Variants in GPR31 observed in about 807,000 individuals in gnomAD.
GPR31 encodes 12-(S)-hydroxy-5,8,10,14-eicosatetraenoic acid receptor.
For synonymous variants in GPR31, 209 were observed against 183.8 expected (o/e 1.14, Z -1.11); for missense variants, 394 against 400.5 (o/e 0.98, Z 0.14).
chr6:167,156,861 G>C lies in GPR31; in HGVS notation c.*11C>G, dbSNP rs771593892. The stretch of plus-strand genomic sequence containing the variant: ...TTCCATAAACACGGGCGTTGAGGAC[G>C]CTGGCTGTTGTCAGGAATAGGAGTC... On this transcript the variant is annotated 3_prime_UTR_variant, in exon 1 of 1. Coordinates refer to ENST00000366834, the MANE Select transcript of GPR31 (RefSeq NM_005299.3). This position sits in a 1 kb window ranked among gnomAD's most constrained non-coding sequence, Gnocchi z 4.5. The C allele has an allele frequency of 7.7e-6, 12 of 1,561,800 alleles. No individual in the cohort carries two copies. The highest frequency in any genetic ancestry group is 1.0e-5 in the Non-Finnish European group (12 of 1,156,034).
rs1370510374 is a variant in GPR31 at position 167,157,916 on chromosome 6, C to A, written c.-85G>T. On this transcript the variant is annotated 5_prime_UTR_variant, in exon 1 of 1. Coordinates refer to ENST00000366834, the MANE Select transcript of GPR31 (RefSeq NM_005299.3). Reference sequence around the variant, plus strand: ...CTTTCTTACAAAATGAAAGAAAAGGCCTTTTCCTGCCACAGAGTAGACAAG... The same window carrying A: ...CTTTCTTACAAAATGAAAGAAAAGGACTTTTCCTGCCACAGAGTAGACAAG... The A allele has an allele frequency of 9.2e-6, 13 of 1,409,566 alleles. No homozygotes were observed. The highest frequency in any genetic ancestry group is 8.7e-5 in the African/African-American group (6 of 69,230). The allele number at this position is 1,409,566 out of a possible 1,614,324, so 87.3% of individuals were successfully genotyped here.
rs754670201 is a variant in GPR31, at chr6:167,157,648, G to A, written c.184C>T (p.Leu62=). 1.1e-5 allele frequency: 17 copies of A among 1,613,796 alleles called. No individual in the cohort carries two copies. The Admixed American group carries it at 2.7e-4, about 25-fold the overall frequency. The change falls in exon 1 of 1, where the codon CTG becomes TTG. Residue 62 remains leucine, a synonymous_variant. Transcript: ENST00000366834. The part of the protein sequence containing the change: ...YLLNLALADL[L]LAACLPFLAA... The stretch of plus-strand genomic sequence containing the variant: ...AGGAAAGGCAGGCACGCAGCCAACA[G>A]CAGGTCAGCCAGGGCCAGGTTGAGC...
At position 167,157,975 on chromosome 6, in the gene GPR31, C is replaced by A; in HGVS notation, c.-144G>T. Reference sequence around the variant, plus strand: ...TTGCCCAACAAGAACAGTTCCTCAGCAGAATAGAGTCCACAGCAAACCAAA... The same window carrying A: ...TTGCCCAACAAGAACAGTTCCTCAGAAGAATAGAGTCCACAGCAAACCAAA... On this transcript the variant is annotated 5_prime_UTR_variant, in exon 1 of 1. Transcript: ENST00000366834. 1 of 1,033,438 alleles carries A rather than the reference C, an allele frequency of 9.7e-7. No homozygotes were observed. Among genetic ancestry groups the A allele is most frequent in the Non-Finnish European group, 1.4e-6 (1 of 719,974 alleles). The allele number at this position is 1,033,438 out of a possible 1,614,324, so 64.0% of individuals were successfully genotyped here.
In GPR31 at chr6:167,157,536, C is replaced by A; in HGVS notation, c.296G>T (p.Ser99Ile). ...GGCGGCCAGGAAGGCCATCCCCACG[C>A]TGCGGCTGAGGTCCAGCAGGAAGTG... is the stretch of plus-strand genomic sequence containing the variant. ...ALHFLLDLSR[S>I]VGMAFLAAVA... is the part of the protein sequence containing the mutation. Residue 99 changes from serine (S) to isoleucine (I), a missense_variant, in exon 1 of 1, where the codon AGC (serine) becomes ATC (isoleucine). Coordinates refer to ENST00000366834, the MANE Select transcript of GPR31 (RefSeq NM_005299.3). 6.2e-7 allele frequency: 1 copy of A among 1,610,472 alleles called. No homozygotes were observed. The highest frequency in any genetic ancestry group is 8.5e-7 in the Non-Finnish European group (1 of 1,177,544).
At position 167,156,702 on chromosome 6, in the gene GPR31, G is replaced by T; in HGVS notation, c.*170C>A. ...GGTAAAATCACAGAGGACCACCCTG[G>T]TCAACAAAGTATAAGACCACACCTG... On this transcript the variant is annotated 3_prime_UTR_variant, in exon 1 of 1. Transcript: ENST00000366834. The surrounding 1 kb of genome is among the most constrained non-coding windows in gnomAD (Gnocchi z 4.5). 1 of 712,688 alleles carries T rather than the reference G, an allele frequency of 1.4e-6. No homozygotes were observed. Among genetic ancestry groups the T allele is most frequent in the East Asian group, 2.7e-5 (1 of 36,784 alleles). The allele number at this position is 712,688 out of a possible 1,614,324, so 44.1% of individuals were successfully genotyped here.
chr6:167,156,302 C>CAAAAA lies in GPR31; in HGVS notation c.*565_*569dup, dbSNP rs1216823026. The stretch of plus-strand genomic sequence containing the variant: ...AAAATGAAGCAAAATTTTATGAAAA[C>CAAAAA]AAAAATGTTATGTTCCAAATAAAGG... On this transcript the variant is annotated 3_prime_UTR_variant, in exon 1 of 1. Transcript: ENST00000366834. This position sits in a 1 kb window ranked among gnomAD's most constrained non-coding sequence, Gnocchi z 4.5. 14 of 152,062 alleles carry CAAAAA rather than the reference C, an allele frequency of 9.2e-5. No individual in the cohort carries two copies. The highest frequency in any genetic ancestry group is 9.2e-4 in the Admixed American group (14 of 15,264). The allele number at this position is 152,062 out of a possible 1,614,324, so 9.4% of individuals were successfully genotyped here. A position where few individuals can be genotyped will look rare whatever the true frequency, so the allele number is the denominator to read the frequency against.
chr6:167,157,653 T>G lies in GPR31; in HGVS notation c.179A>C (p.Asp60Ala). 3 of 1,613,792 alleles carry G rather than the reference T, an allele frequency of 1.9e-6. No individual in the cohort carries two copies. The highest frequency in any genetic ancestry group is 2.5e-6 in the Non-Finnish European group (3 of 1,179,972). ...AGGCAGGCACGCAGCCAACAGCAGG[T>G]CAGCCAGGGCCAGGTTGAGCAGGTA... ...AVYLLNLALA[D>A]LLLAACLPFL... Residue 60 changes from aspartate (D) to alanine (A), a missense_variant, in exon 1 of 1, where the codon GAC becomes GCC. Physicochemically the swap from Asp to Ala is moderately radical, Grantham distance 126. Coordinates refer to ENST00000366834, the MANE Select transcript of GPR31 (RefSeq NM_005299.3).
At position 167,156,734 on chromosome 6, in the gene GPR31, C is replaced by A; in HGVS notation, c.*138G>T. The A allele has an allele frequency of 1.0e-6, 1 of 961,646 alleles. No homozygotes were observed. The highest frequency in any genetic ancestry group is 1.6e-6 in the Non-Finnish European group (1 of 637,596). The allele number at this position is 961,646 out of a possible 1,614,324, so 59.6% of individuals were successfully genotyped here. A position where few individuals can be genotyped will look rare whatever the true frequency, so the allele number is the denominator to read the frequency against. On this transcript the variant is annotated 3_prime_UTR_variant, in exon 1 of 1. Transcript: ENST00000366834. The surrounding 1 kb of genome is among the most constrained non-coding windows in gnomAD (Gnocchi z 4.5). The stretch of plus-strand genomic sequence containing the variant: ...AAGTATAAGACCACACCTGCAGCAA[C>A]TGTGCCCATGTTTATGCTCTGATCC...
rs765238068 is a variant in GPR31 at position 167,157,212 on chromosome 6, C to G, written c.620G>C (p.Arg207Thr). ...GGGCTGTTTCTCAGGCTCCCGGAGT[C>G]TTTTCTGGAGAGCCCTGATGATGCC... ...NAGIIRALQK[R>T]LREPEKQPKL... The change falls in exon 1 of 1, where the codon AGA (arginine) becomes ACA (threonine). Residue 207 changes from arginine (R) to threonine (T), a missense_variant. Arg to Thr is a moderately conservative substitution (Grantham distance 71). Transcript: ENST00000366834. 6.2e-7 allele frequency: 1 copy of G among 1,614,240 alleles called. No homozygotes were observed. The highest frequency in any genetic ancestry group is 8.5e-7 in the Non-Finnish European group (1 of 1,180,044).
rs1562566800 is a variant in GPR31 at position 167,156,669 on chromosome 6, C to T, written c.*203G>A. ...CTAGCTTGTTCATTTTGATTTGCCA[C>T]TCTACAAGGTAAAATCACAGAGGAC... On this transcript the variant is annotated 3_prime_UTR_variant, in exon 1 of 1. Coordinates refer to ENST00000366834, the MANE Select transcript of GPR31 (RefSeq NM_005299.3). The surrounding 1 kb of genome is among the most constrained non-coding windows in gnomAD (Gnocchi z 4.5). The T allele has an allele frequency of 3.9e-6, 2 of 515,532 alleles. No individual in the cohort carries two copies. Among genetic ancestry groups the T allele is most frequent in the South Asian group, 3.8e-5 (1 of 26,640 alleles). 31.9% of individuals were successfully genotyped at this position (515,532 alleles called of 1,614,324 possible). A position where few individuals can be genotyped will look rare whatever the true frequency, so the allele number is the denominator to read the frequency against.
rs768339749 is a variant in GPR31, at chr6:167,157,154, C to T, written c.678G>A (p.Leu226=). 6.2e-7 allele frequency: 1 copy of T among 1,614,262 alleles called. No homozygotes were observed. Among genetic ancestry groups the T allele is most frequent in the South Asian group, 1.1e-5 (1 of 91,088 alleles). ...KLQRAQALVT[L]VVVLFALCFL... Reference sequence around the variant, plus strand: ...AGCACAGAGCAAACAGCACCACCACCAAGGTGACCAGTGCCTGGGCCCGCT... The same window carrying T: ...AGCACAGAGCAAACAGCACCACCACTAAGGTGACCAGTGCCTGGGCCCGCT... The change falls in exon 1 of 1, where the codon TTG becomes TTA. Residue 226 remains leucine (L), a synonymous_variant. Coordinates refer to ENST00000366834, the MANE Select transcript of GPR31 (RefSeq NM_005299.3).
Position 167,157,456 on chromosome 6 carries a change from G to C in GPR31, c.376C>G (p.Leu126Val). Residue 126 changes from leucine to valine, a missense_variant, in exon 1 of 1, where the codon CTG becomes GTG. Physicochemically the swap from Leu to Val is conservative, Grantham distance 32. Transcript: ENST00000366834. ...VVHPRLKVNL[L>V]SPQAALGVSG... ...ACCCCCAGGGCCGCCTGAGGAGACA[G>C]CAGGTTGACCTTAAGCCGAGGGTGG... 1 of 1,613,632 alleles carries C rather than the reference G, an allele frequency of 6.2e-7. No individual in the cohort carries two copies. The highest frequency in any genetic ancestry group is 8.5e-7 in the Non-Finnish European group (1 of 1,179,968).
chr6:167,156,286 C>G lies in GPR31; in HGVS notation c.*586G>C, dbSNP rs1205577351. On this transcript the variant is annotated 3_prime_UTR_variant, in exon 1 of 1. Transcript: ENST00000366834. The surrounding 1 kb of genome is among the most constrained non-coding windows in gnomAD (Gnocchi z 4.5). ...TAATGTATAATCTAGAAAAATGAAGCAAAATTTTATGAAAACAAAAATGTT... is the reference window on the plus strand; with the variant it reads ...TAATGTATAATCTAGAAAAATGAAGGAAAATTTTATGAAAACAAAAATGTT... 1 of 152,088 alleles carries G rather than the reference C, an allele frequency of 6.6e-6. No individual in the cohort carries two copies. Among genetic ancestry groups the G allele is most frequent in the Non-Finnish European group, 1.5e-5 (1 of 68,012 alleles). 9.4% of individuals were successfully genotyped at this position (152,088 alleles called of 1,614,324 possible). A position where few individuals can be genotyped will look rare whatever the true frequency, so the allele number is the denominator to read the frequency against.
chr6:167,155,507 G>A lies in GPR31; in HGVS notation c.*1365C>T, dbSNP rs1782054298. ...TGGCAGGCTGTCAGCTCTGCAGATGGGAGACTTGCCATTTTCTGTTGCCTA... is the reference window on the plus strand; with the variant it reads ...TGGCAGGCTGTCAGCTCTGCAGATGAGAGACTTGCCATTTTCTGTTGCCTA... On this transcript the variant is annotated 3_prime_UTR_variant, in exon 1 of 1. Transcript: ENST00000366834. Among the ~76,000 whole-genome samples, 1 of 152,146 alleles carries A rather than the reference G, an allele frequency of 6.6e-6. No individual in the cohort carries two copies. The highest frequency in any genetic ancestry group is 6.5e-5 in the Admixed American group (1 of 15,282).
Position 167,157,714 on chromosome 6 carries a change from G to A in GPR31, c.118C>T (p.Leu40=), listed in dbSNP as rs1263657715. 6.2e-7 allele frequency: 1 copy of A among 1,613,598 alleles called. No individual in the cohort carries two copies. Among genetic ancestry groups the A allele is most frequent in the Non-Finnish European group, 8.5e-7 (1 of 1,180,014 alleles). ...GGCTTCCACACCCTGACCCGGAACAGGAAGGTCCACAGCGCCACCGCGTTG... is the reference window on the plus strand; with the variant it reads ...GGCTTCCACACCCTGACCCGGAACAAGAAGGTCCACAGCGCCACCGCGTTG... ...LGNAVALWTF[L]FRVRVWKPYA... is the part of the protein sequence containing the mutation. The change falls in exon 1 of 1, where the codon CTG becomes TTG. Residue 40 remains leucine (L), a synonymous_variant. Coordinates refer to ENST00000366834, the MANE Select transcript of GPR31 (RefSeq NM_005299.3).
Position 167,157,174 on chromosome 6 carries a change from C to G in GPR31, c.658G>C (p.Ala220Pro). 1 of 1,614,224 alleles carries G rather than the reference C, an allele frequency of 6.2e-7. No homozygotes were observed. The highest frequency in any genetic ancestry group is 1.7e-5 in the Admixed American group (1 of 60,032). ...ACCACCAAGGTGACCAGTGCCTGGGCCCGCTGAAGCTTGGGCTGTTTCTCA... is the reference window on the plus strand; with the variant it reads ...ACCACCAAGGTGACCAGTGCCTGGGGCCGCTGAAGCTTGGGCTGTTTCTCA... ...EPEKQPKLQR[A>P]QALVTLVVVL... is the part of the protein sequence containing the mutation. The change falls in exon 1 of 1, where the codon GCC (alanine) becomes CCC (proline). Residue 220 changes from alanine (A) to proline (P), a missense_variant. Physicochemically the swap from Ala to Pro is conservative, Grantham distance 27. Coordinates refer to ENST00000366834, the MANE Select transcript of GPR31 (RefSeq NM_005299.3).
In GPR31 at chr6:167,157,632, A is replaced by G; in HGVS notation, c.200T>C (p.Leu67Pro). The stretch of plus-strand genomic sequence containing the variant: ...CAGGTAGAAGGCGGCCAGGAAAGGC[A>G]GGCACGCAGCCAACAGCAGGTCAGC... ...ALADLLLAAC[L>P]PFLAAFYLSL... The change falls in exon 1 of 1, where the codon CTG (leucine) becomes CCG (proline). Residue 67 changes from leucine (L) to proline (P), a missense_variant. Physicochemically the swap from Leu to Pro is moderately conservative, Grantham distance 98 (BLOSUM62 -3). Transcript: ENST00000366834. 6.2e-7 allele frequency: 1 copy of G among 1,613,848 alleles called. No homozygotes were observed. The highest frequency in any genetic ancestry group is 8.5e-7 in the Non-Finnish European group (1 of 1,179,934).
rs375031842 is a variant in GPR31, at chr6:167,156,952, G to C, written c.880C>G (p.Arg294Gly). Residue 294 changes from arginine (R) to glycine (G), a missense_variant, in exon 1 of 1, where the codon CGG (arginine) becomes GGG (glycine). Physicochemically the swap from Arg to Gly is moderately radical, Grantham distance 125. Coordinates refer to ENST00000366834, the MANE Select transcript of GPR31 (RefSeq NM_005299.3). The surrounding 1 kb of genome is among the most constrained non-coding windows in gnomAD (Gnocchi z 4.5). ...FSSPTFRSSY[R>G]RVFHTLRGKG... is the part of the protein sequence containing the mutation. ...CCTCGGAGGGTGTGGAAGACCCTCC[G>C]ATAGGAGCTCCTGAAGGTGGGGCTG... 39 of 1,614,146 alleles carry C rather than the reference G, an allele frequency of 2.4e-5. No homozygotes were observed. The East Asian group carries it at 4.2e-4, about 18-fold the overall frequency.
In GPR31 at chr6:167,157,210, G is replaced by C. The variant is rs1176175674; in HGVS notation, c.622C>G (p.Leu208Val). The C allele has an allele frequency of 1.2e-6, 2 of 1,614,236 alleles. No individual in the cohort carries two copies. Among genetic ancestry groups the C allele is most frequent in the Non-Finnish European group, 1.7e-6 (2 of 1,180,038 alleles). The change falls in exon 1 of 1, where the codon CTC becomes GTC. Residue 208 changes from leucine (L) to valine (V), a missense_variant. By Grantham distance (32) the Leu-to-Val change is conservative (BLOSUM62 1). Transcript: ENST00000366834. ...TTGGGCTGTTTCTCAGGCTCCCGGAGTCTTTTCTGGAGAGCCCTGATGATG... is the reference window on the plus strand; with the variant it reads ...TTGGGCTGTTTCTCAGGCTCCCGGACTCTTTTCTGGAGAGCCCTGATGATG... ...AGIIRALQKRLREPEKQPKLQ... is the reference protein window; with the variant it reads ...AGIIRALQKRVREPEKQPKLQ...
Sources: gnomAD v4.1 joint callset for allele counts (sites outside exome capture counted in the v4.1 genomes callset) on GRCh38, gnomAD v4.1.1 for gene constraint, Gnocchi (gnomAD v3.1) non-coding constraint, MANE v1.5 for transcripts, NCBI Gene and HGNC (gene_info 2026-07-23, HGNC 2026-07-21) for gene names.